Variants in LAMP3 observed in about 807,000 individuals in gnomAD.
The protein encoded by LAMP3 is lysosome associated membrane protein 3.
Under a neutral mutation model 34.8 loss-of-function variants are expected in LAMP3, and 26 were observed. The ratio of observed to expected loss-of-function variants is 0.75; its 90% CI spans 0.55 to 1.04. The LOEUF (loss-of-function observed/expected upper bound fraction) is 1.04, where lower values mean the gene tolerates loss of function less well. LAMP3 is among the 50% of genes least tolerant of loss of function. The probability of loss-of-function intolerance (pLI) is 0.00; values close to 1 mark genes in which losing one functional copy is unlikely to be tolerated. For missense variants in LAMP3, 495 were observed against 524.0 expected (o/e 0.94, Z 0.54); for synonymous variants, 180 against 201.9 (o/e 0.89, Z 0.92).
At chr3:183,153,465 G>A (rs1453892050) in intron 2 of LAMP3, among the ~76,000 whole-genome samples, 3 of 152,142 alleles carry the variant, frequency 2.0e-5, no homozygotes, top group Non-Finnish European at 4.4e-5. Flanking sequence ...TTAAAGTTTT[G>A]TTTGCCTTCC....
intron 3 of LAMP3, among the ~76,000 whole-genome samples, chr3:183,140,878 C>T (rs780139634): frequency 3.3e-5 from 5 of 152,286 alleles, no homozygotes; most frequent in Admixed American, 2.6e-4. Context: ...TGAGTCCCTT[C>T]GGTTGGGCCA....
chr3:183,161,609 G>A (rs920199148), intron 1 of LAMP3, among the ~76,000 whole-genome samples: 1 of 151,760 alleles, frequency 6.6e-6, no homozygotes, highest in East Asian at 1.9e-4. Flanking sequence ...GGCTAGTCTC[G>A]AACTCCTGAC....
intron 4 of LAMP3, among the ~76,000 whole-genome samples, chr3:183,137,541 G>T (rs1282217528): frequency 6.6e-6 from 1 of 152,060 alleles, no homozygotes; most frequent in African/African-American, 2.4e-5. Context: ...GCCAGCGTCT[G>T]TACATGCAAA....
intron 5 of LAMP3, among the ~76,000 whole-genome samples, chr3:183,133,905 GTT>G (rs1720002234): frequency 6.6e-6 from 1 of 152,134 alleles, no homozygotes; most frequent in African/African-American, 2.4e-5. Context: ...TCGATCCCCT[GTT>G]TAAAAATCGC....
intron 1 of LAMP3, among the ~76,000 whole-genome samples, chr3:183,159,002 G>A (rs1051894472): frequency 2.6e-5 from 4 of 151,918 alleles, no homozygotes; most frequent in East Asian, 3.9e-4. Flanking sequence ...GGGTTCAAGC[G>A]ATCCTCCCAC....
At chr3:183,142,801 C>A (rs488897) in intron 3 of LAMP3, among the ~76,000 whole-genome samples, 2 of 152,144 alleles carry the variant, frequency 1.3e-5, no homozygotes, top group Non-Finnish European at 2.9e-5. Context: ...ATGAAAGTGC[C>A]GGGCCATGTG....
At chr3:183,130,896 C>T (rs991980933) in intron 5 of LAMP3, among the ~76,000 whole-genome samples, 1 of 151,958 alleles carries the variant, frequency 6.6e-6, no homozygotes, top group African/African-American at 2.4e-5. Context: ...TTTTTTCCCT[C>T]TCATCACAGG....
chr3:183,138,959 C>A (rs903518698), intron 4 of LAMP3, among the ~76,000 whole-genome samples: 5 of 152,150 alleles, frequency 3.3e-5, no homozygotes, highest in Non-Finnish European at 7.3e-5. Flanking sequence ...CCCAGATACC[C>A]CCAAAGAGCT....
chr3:183,137,744 T>A (rs2108600019), intron 4 of LAMP3, among the ~76,000 whole-genome samples: 1 of 152,210 alleles, frequency 6.6e-6, no homozygotes, highest in East Asian at 1.9e-4. Flanking sequence ...GCTCAGCCAT[T>A]AGGATCAAGA....
chr3:183,130,154 C>CTT (rs34543624), intron 5 of LAMP3, among the ~76,000 whole-genome samples: 16 of 70,956 alleles, frequency 2.3e-4, no homozygotes, highest in African/African-American at 4.8e-4. Context: ...ACCCTCACTC[C>CTT]TTTTTTTTTT....
intron 1 of LAMP3, among the ~76,000 whole-genome samples, chr3:183,155,857 T>A (rs1276367869): frequency 1.3e-5 from 2 of 152,226 alleles, no homozygotes; most frequent in Non-Finnish European, 2.9e-5. Context: ...AACAGCATTG[T>A]AGGCCTTTTA....
intron 5 of LAMP3, among the ~76,000 whole-genome samples, chr3:183,130,449 T>C (rs550991): frequency 0.9 from 136,201 of 152,132 alleles, 61,201 homozygotes; most frequent in Middle Eastern, 0.94. Context: ...TGAGCCACCG[T>C]GCCTGGCCTC....
intron 3 of LAMP3, among the ~76,000 whole-genome samples, chr3:183,141,712 A>T (rs1162703479): frequency 1.3e-5 from 2 of 152,202 alleles, no homozygotes; most frequent in Non-Finnish European, 2.9e-5. Context: ...AAGGTCATTG[A>T]TACTGATACA....
At chr3:183,130,279 C>A (rs1038268300) in intron 5 of LAMP3, among the ~76,000 whole-genome samples, 1 of 150,940 alleles carries the variant, frequency 6.6e-6, no homozygotes, top group African/African-American at 2.4e-5. Context: ...CTGCCTCAGC[C>A]TCCCGAGTAG....
intron 3 of LAMP3, among the ~76,000 whole-genome samples, chr3:183,144,306 T>C (rs1214184788): frequency 6.6e-6 from 1 of 152,176 alleles, no homozygotes; most frequent in African/African-American, 2.4e-5. Flanking sequence ...GGGTGAGCAC[T>C]AGAGAAGAGA....
intron 3 of LAMP3, 30 bp from the exon 4 acceptor site, chr3:183,140,625 G>A (rs978682449): frequency 7.3e-7 from 1 of 1,374,116 alleles, no homozygotes; most frequent in East Asian, 2.3e-5. Context: ...TAACCTTTGG[G>A]TTATCTCTAC....
chr3:183,157,837 T>C (rs1221495827), intron 1 of LAMP3, among the ~76,000 whole-genome samples: 1 of 152,178 alleles, frequency 6.6e-6, no homozygotes, highest in Non-Finnish European at 1.5e-5. Context: ...AAGGACTTAA[T>C]TGTTCACAAA....
At chr3:183,124,736 G>T (rs1719743752) in intron 5 of LAMP3, among the ~76,000 whole-genome samples, 1 of 152,206 alleles carries the variant, frequency 6.6e-6, no homozygotes, top group Admixed American at 6.5e-5. Context: ...GGAGGCTGAG[G>T]CAGGAGAATT....
intron 3 of LAMP3, 129 bp downstream of exon 3, chr3:183,152,246 T>C (rs1720658509): frequency 6.7e-6 from 7 of 1,038,296 alleles, no homozygotes; most frequent in Non-Finnish European, 9.7e-6. Flanking sequence ...CTCCTCTCCA[T>C]CCCCAAACCC....
Sources: allele counts gnomAD v4.1 joint callset (sites outside exome capture counted in the v4.1 genomes callset), GRCh38; gene constraint gnomAD v4.1.1; transcripts MANE v1.5; gene names NCBI Gene and HGNC (gene_info 2026-07-23, HGNC 2026-07-21).